Variants in LIMA1 observed in about 807,000 individuals in gnomAD.
LIMA1 encodes the protein LIM domain and actin-binding protein 1.
A neutral mutation model predicts 62.6 loss-of-function variants in LIMA1; 52 were observed. The ratio of observed to expected loss-of-function variants is 0.83; its 90% CI spans 0.67 to 1.05. LIMA1 has a LOEUF of 1.05. Among genes scored for constraint, LIMA1 ranks in the 50% least tolerant of loss-of-function variants. The probability of loss-of-function intolerance (pLI) is 0.00; values close to 1 mark genes in which losing one functional copy is unlikely to be tolerated. For synonymous variants in LIMA1, 302 were observed against 317.8 expected (o/e 0.95, Z 0.53); for missense variants, 780 against 902.2 (o/e 0.86, Z 1.74).
chr12:50,236,715 G>C (rs902456181), intron 2 of LIMA1, among the ~76,000 whole-genome samples: 39 of 151,984 alleles, frequency 2.6e-4, no homozygotes, highest in African/African-American at 7.2e-4. Flanking sequence ...GCCTATTAAA[G>C]ACTCTCTGCT....
In LIMA1 at chr12:50,211,581, G is replaced by A. The variant is rs1941258119; in HGVS notation, c.631-5513C>T. ...GGATGATTGAGTCCAGGAAGTCGAGGCTGTAGTGACCTATGATTGTGCCCC... is the reference window on the plus strand; with the variant it reads ...GGATGATTGAGTCCAGGAAGTCGAGACTGTAGTGACCTATGATTGTGCCCC... On this transcript the variant is annotated intron_variant, in intron 4 of 10. Transcript: ENST00000341247. Among the ~76,000 whole-genome samples, 10 of 152,098 alleles carry A rather than the reference G, an allele frequency of 6.6e-5. 1 individual carries two copies. In the South Asian group the frequency reaches 1.9e-3, roughly 28 times the overall value.
chr12:50,266,542 G>A (rs909425740), intron 1 of LIMA1, among the ~76,000 whole-genome samples: 6 of 152,202 alleles, frequency 3.9e-5, no homozygotes, highest in Non-Finnish European at 5.9e-5. Flanking sequence ...GGATGATCAT[G>A]TAGGTTGCTT....
chr12:50,242,963 T>C (rs1941798570), intron 2 of LIMA1, among the ~76,000 whole-genome samples: 1 of 152,200 alleles, frequency 6.6e-6, no homozygotes, highest in Non-Finnish European at 1.5e-5. Context: ...ATTCCAAAAA[T>C]GTATGAGTCA....
At chr12:50,241,212 A>G (rs1314692893) in intron 2 of LIMA1, among the ~76,000 whole-genome samples, 1 of 152,216 alleles carries the variant, frequency 6.6e-6, no homozygotes. Context: ...TGTCTAAGAG[A>G]TTCCCTAAAA....
intron 2 of LIMA1, among the ~76,000 whole-genome samples, chr12:50,236,072 C>T (rs900108375): frequency 2.0e-5 from 3 of 151,518 alleles, no homozygotes; most frequent in Non-Finnish European, 2.9e-5. Flanking sequence ...GACTGAGGCA[C>T]GAGAATCGCC....
intron 6 of LIMA1, among the ~76,000 whole-genome samples, chr12:50,202,908 A>G (rs1473322334): frequency 6.6e-6 from 1 of 152,220 alleles, no homozygotes; most frequent in Non-Finnish European, 1.5e-5. Flanking sequence ...GAAATCTTAG[A>G]ACAAATGCTT....
intron 7 of LIMA1, among the ~76,000 whole-genome samples, chr12:50,198,564 T>A (rs1159603604): frequency 6.6e-6 from 1 of 151,762 alleles, no homozygotes; most frequent in East Asian, 1.9e-4. Flanking sequence ...TAAAAAAATT[T>A]AAAAAATACA....
At chr12:50,243,145 T>C (rs1373610636) in intron 2 of LIMA1, among the ~76,000 whole-genome samples, 1 of 152,184 alleles carries the variant, frequency 6.6e-6, no homozygotes. Flanking sequence ...AGCCTGCAGC[T>C]ATAAAGGACC....
chr12:50,222,654 C>CAGAGGGAGAGGGAGAGGGGA (rs1477842716), intron 3 of LIMA1, 169 bp from the exon 4 acceptor site: 1 of 1,526,188 alleles, frequency 6.6e-7, no homozygotes, highest in East Asian at 2.5e-5. Context: ...ATCCACCCGG[C>CAGAGGGAGAGGGAGAGGGGA]AGAGGGAGAG....
At chr12:50,239,608 C>G (rs1941743973) in intron 2 of LIMA1, among the ~76,000 whole-genome samples, 1 of 151,152 alleles carries the variant, frequency 6.6e-6, no homozygotes, top group South Asian at 2.1e-4. Flanking sequence ...CCACCACACT[C>G]CAGCCTGGGT....
chr12:50,194,794 T>C (rs1462620420), intron 8 of LIMA1, among the ~76,000 whole-genome samples: 2 of 151,868 alleles, frequency 1.3e-5, no homozygotes, highest in African/African-American at 2.4e-5. Context: ...ACGCCTGTAA[T>C]CCTAGCACTT....
chr12:50,231,624 C>T, intron 3 of LIMA1, 41 bp downstream of exon 3: 1 of 1,602,940 alleles, frequency 6.2e-7, no homozygotes, highest in Non-Finnish European at 8.5e-7. Context: ...CACAATTCTG[C>T]TCAAGAAGTG....
At chr12:50,227,457 C>A (rs1941548447) in intron 3 of LIMA1, among the ~76,000 whole-genome samples, 2 of 152,128 alleles carry the variant, frequency 1.3e-5, no homozygotes, top group Non-Finnish European at 2.9e-5. Context: ...CTAAGCTGGT[C>A]TCGAACTCCT....
intron 4 of LIMA1, among the ~76,000 whole-genome samples, chr12:50,214,874 AAAT>A: frequency 6.6e-6 from 1 of 152,374 alleles, no homozygotes; most frequent in East Asian, 1.9e-4. Flanking sequence ...ATATAATTCT[AAAT>A]AAGACATATT....
intron 1 of LIMA1, among the ~76,000 whole-genome samples, chr12:50,258,642 T>A (rs1942028298): frequency 7.7e-6 from 1 of 129,282 alleles, no homozygotes; most frequent in Non-Finnish European, 1.6e-5. Context: ...ACCTATACTT[T>A]TTTTTTTTTT....
chr12:50,222,383 G>A lies in LIMA1; in HGVS notation c.268C>T (p.Leu90=). The change falls in exon 4 of 11, where the codon CTA becomes TTA. Residue 90 remains leucine, a synonymous_variant. Coordinates refer to ENST00000341247, the MANE Select transcript of LIMA1 (RefSeq NM_016357.5). The part of the protein sequence containing the change: ...GLGAESHTDS[L]RNSSTEIRHR... ...CTAATCTCAGTGCTGCTGTTCCGTAGAGAGTCTGTGTGAGACTCTGCTCCC... is the reference window on the plus strand; with the variant it reads ...CTAATCTCAGTGCTGCTGTTCCGTAAAGAGTCTGTGTGAGACTCTGCTCCC... 1 of 1,614,154 alleles carries A rather than the reference G, an allele frequency of 6.2e-7. No homozygotes were observed. Among genetic ancestry groups the A allele is most frequent in the Non-Finnish European group, 8.5e-7 (1 of 1,180,026 alleles).
At chr12:50,207,889 C>CAAA (rs60876815) in intron 4 of LIMA1, among the ~76,000 whole-genome samples, 6 of 118,212 alleles carry the variant, frequency 5.1e-5, no homozygotes, top group African/African-American at 6.4e-5. Context: ...GACCCTGTCT[C>CAAA]AAAAAAAAAA....
intron 4 of LIMA1, among the ~76,000 whole-genome samples, chr12:50,220,779 C>CT (rs142162563): frequency 0.014 from 2,124 of 152,288 alleles, 45 homozygotes; most frequent in African/African-American, 0.049. Context: ...GTTGGCAGGA[C>CT]TAAAGGTCTA....
intron 1 of LIMA1, among the ~76,000 whole-genome samples, chr12:50,249,243 C>T (rs1163318526): frequency 1.3e-5 from 2 of 152,118 alleles, no homozygotes; most frequent in South Asian, 2.1e-4. Flanking sequence ...GGGGGCGCAG[C>T]GTGGTGTAAT....
Sources: allele counts gnomAD v4.1 joint callset (sites outside exome capture counted in the v4.1 genomes callset), GRCh38; gene constraint gnomAD v4.1.1; transcripts MANE v1.5; gene names NCBI Gene and HGNC (gene_info 2026-07-23, HGNC 2026-07-21).